ZFYVE9: variants seen among roughly 807,000 people sequenced by gnomAD.
The protein encoded by ZFYVE9 is zinc finger FYVE-type containing 9, also known as zinc finger FYVE domain-containing protein 9.
Under a neutral mutation model 126.7 loss-of-function variants are expected in ZFYVE9, and 43 were observed. The observed-to-expected ratio is 0.34, with a 90% CI of 0.27 to 0.44. The LOEUF (loss-of-function observed/expected upper bound fraction) is 0.44. Ranked by LOEUF, ZFYVE9 falls within the 20% of genes least tolerant of loss-of-function variation. The pLI, the probability that ZFYVE9 is intolerant of heterozygous loss-of-function variation, is 1.00. For synonymous variants in ZFYVE9, 521 were observed against 597.4 expected (o/e 0.87, Z 1.87); for missense variants, 1,476 against 1,697.0 (o/e 0.87, Z 2.29).
intron 1 of ZFYVE9, among the ~76,000 whole-genome samples, chr1:52,146,939 A>G (rs1157417495): frequency 6.6e-6 from 1 of 152,180 alleles, no homozygotes; most frequent in Non-Finnish European, 1.5e-5. Flanking sequence ...GAAATGCTCA[A>G]AGGTCCAAAA....
chr1:52,255,206 C>G lies in ZFYVE9; in HGVS notation c.2179-8567C>G, dbSNP rs1645492122. ...TGCTTATGATGACATATGAATAGAA[C>G]AGAATGCAAGCTTATGCTTTGTTTA... On this transcript the variant is annotated intron_variant, in intron 4 of 18. Transcript: ENST00000287727. 2.6e-5 allele frequency among the ~76,000 whole-genome samples: 4 copies of G among 151,928 alleles called. No individual in the cohort carries two copies. In the South Asian group the frequency reaches 8.3e-4, roughly 32 times the overall value.
chr1:52,172,256 G>A (rs2124526174), intron 1 of ZFYVE9, among the ~76,000 whole-genome samples: 1 of 152,244 alleles, frequency 6.6e-6, no homozygotes, highest in African/African-American at 2.4e-5. Context: ...ATTAAATAGG[G>A]AATCCTTTCC....
chr1:52,226,011 G>A (rs554143642), intron 2 of ZFYVE9, among the ~76,000 whole-genome samples: 7 of 152,256 alleles, frequency 4.6e-5, no homozygotes, highest in South Asian at 4.1e-4. Context: ...TGGATGCGCC[G>A]GATTTTATAG....
intron 1 of ZFYVE9, among the ~76,000 whole-genome samples, chr1:52,205,980 AG>A (rs576468826): frequency 6.6e-4 from 101 of 152,330 alleles, no homozygotes; most frequent in African/African-American, 2.2e-3. Context: ...TTGAAGGTAT[AG>A]GTGCCCAATT....
chr1:52,186,217 G>T (rs1434500155), intron 1 of ZFYVE9, among the ~76,000 whole-genome samples: 1 of 150,064 alleles, frequency 6.7e-6, no homozygotes, highest in South Asian at 2.1e-4. Context: ...TCCAGCCTGG[G>T]TGACAGAGCG....
intron 10 of ZFYVE9, among the ~76,000 whole-genome samples, chr1:52,282,518 T>G (rs1221606869): frequency 6.6e-6 from 1 of 152,186 alleles, no homozygotes; most frequent in African/African-American, 2.4e-5. Flanking sequence ...GGTTTATCTT[T>G]GAGGAAGAAG....
At chr1:52,228,893 C>CTT (rs11438635) in intron 2 of ZFYVE9, among the ~76,000 whole-genome samples, 7 of 142,500 alleles carry the variant, frequency 4.9e-5, no homozygotes, top group African/African-American at 1.8e-4. Flanking sequence ...ATCTTTTTTC[C>CTT]TTTTTTTTTT....
intron 1 of ZFYVE9, among the ~76,000 whole-genome samples, chr1:52,207,141 C>T (rs1486208944): frequency 6.6e-6 from 1 of 152,158 alleles, no homozygotes; most frequent in Non-Finnish European, 1.5e-5. Flanking sequence ...GTAAAATTAA[C>T]CATCACAGGG....
At chr1:52,181,896 C>A (rs548301768) in intron 1 of ZFYVE9, among the ~76,000 whole-genome samples, 1 of 151,916 alleles carries the variant, frequency 6.6e-6, no homozygotes, top group Non-Finnish European at 1.5e-5. Context: ...GCAGCCACCC[C>A]GTCTGGGAAG....
At chr1:52,331,773 CT>C (rs1172492745) in intron 13 of ZFYVE9, among the ~76,000 whole-genome samples, 190 of 132,676 alleles carry the variant, frequency 1.4e-3, no homozygotes, top group Middle Eastern at 3.9e-3. Context: ...GTGTCAAACT[CT>C]TTTTTTTTTT....
intron 13 of ZFYVE9, among the ~76,000 whole-genome samples, chr1:52,308,192 CTTTTT>C (rs1409090598): frequency 6.6e-6 from 1 of 151,480 alleles, no homozygotes; most frequent in Admixed American, 6.6e-5. Flanking sequence ...CTTTTCTTTT[CTTTTT>C]GGAAACAGGG....
At chr1:52,166,701 C>T (rs535762390) in intron 1 of ZFYVE9, among the ~76,000 whole-genome samples, 1 of 151,972 alleles carries the variant, frequency 6.6e-6, no homozygotes, top group South Asian at 2.1e-4. Flanking sequence ...TTGCTTGAGC[C>T]CAGGAGTTCG....
At chr1:52,291,620 G>A (rs1179890019) in intron 10 of ZFYVE9, among the ~76,000 whole-genome samples, 2 of 152,188 alleles carry the variant, frequency 1.3e-5, no homozygotes, top group African/African-American at 4.8e-5. Flanking sequence ...GCTCACACCT[G>A]TAATCCCAAC....
intron 1 of ZFYVE9, among the ~76,000 whole-genome samples, chr1:52,154,164 G>T (rs1302070455): frequency 6.6e-5 from 10 of 152,324 alleles, no homozygotes; most frequent in Admixed American, 5.9e-4. Context: ...TCTATATTTA[G>T]TGGTACTGGC....
intron 13 of ZFYVE9, among the ~76,000 whole-genome samples, chr1:52,321,020 C>T (rs951353459): frequency 6.6e-6 from 1 of 152,044 alleles, no homozygotes; most frequent in East Asian, 1.9e-4. Context: ...TACTCAACAC[C>T]AAAAAGATAG....
intron 12 of ZFYVE9, 83 bp from the exon 13 acceptor site, chr1:52,303,738 C>T: frequency 1.2e-6 from 1 of 808,110 alleles, no homozygotes; most frequent in Non-Finnish European, 1.8e-6. Context: ...GACATTTTTT[C>T]CATTCGTGTT....
rs191672135 is a variant in ZFYVE9, at chr1:52,263,938, C to G, written c.2278+66C>G. Reference sequence around the variant, plus strand: ...AAACAAGGGAATTACGATGAGAAGACTTTTTTCCCCCTGCCTTTCTTTACA... The same window carrying G: ...AAACAAGGGAATTACGATGAGAAGAGTTTTTTCCCCCTGCCTTTCTTTACA... On this transcript the variant is annotated intron_variant, in intron 5 of 18. Transcript: ENST00000287727. 9.7e-5 allele frequency: 102 copies of G among 1,050,700 alleles called. No homozygotes were observed. The African/African-American group carries it at 1.5e-3, about 15-fold the overall frequency. 65.1% of individuals were successfully genotyped at this position (1,050,700 alleles called of 1,614,324 possible).
intron 1 of ZFYVE9, among the ~76,000 whole-genome samples, chr1:52,147,398 C>T (rs1210529312): frequency 6.6e-6 from 1 of 152,138 alleles, no homozygotes; most frequent in Non-Finnish European, 1.5e-5. Flanking sequence ...CAGTCACTCC[C>T]AGGATCTCCC....
chr1:52,326,527 A>G (rs929860405), intron 13 of ZFYVE9, among the ~76,000 whole-genome samples: 2 of 48,228 alleles, frequency 4.1e-5, no homozygotes, highest in South Asian at 7.4e-4. Flanking sequence ...ACACACAGAT[A>G]GTTACGAGCA....
Sources: allele counts gnomAD v4.1 joint callset (sites outside exome capture counted in the v4.1 genomes callset), GRCh38; gene constraint gnomAD v4.1.1; transcripts MANE v1.5; gene names NCBI Gene and HGNC (gene_info 2026-07-23, HGNC 2026-07-21).